The following TDRD15 variants were observed in gnomAD, a reference collection of about 807,000 sequenced individuals.
TDRD15 encodes tudor domain-containing protein 15.
For synonymous variants in TDRD15, 503 were observed against 314.5 expected (o/e 1.60, Z -6.34); for missense variants, 1,416 against 904.7 (o/e 1.57, Z -7.25).
At position 21,142,558 on chromosome 2, in the gene TDRD15, A is replaced by G. The variant is rs750302801; in HGVS notation, c.5091A>G (p.Glu1697=). The part of the protein sequence containing the change: ...EYLNLNTVPV[E]ENKLRLAEIV... Reference sequence around the variant, plus strand: ...TAAATTTGAATACAGTTCCTGTTGAAGAAAACAAACTTAGACTTGCAGAAA... The same window carrying G: ...TAAATTTGAATACAGTTCCTGTTGAGGAAAACAAACTTAGACTTGCAGAAA... Residue 1697 remains glutamate (E), a synonymous_variant, in exon 4 of 4, where the codon GAA becomes GAG. Coordinates refer to ENST00000405799, the MANE Select transcript of TDRD15 (RefSeq NM_001306137.2). 2.8e-6 allele frequency: 2 copies of G among 707,834 alleles called. No individual in the cohort carries two copies. Among genetic ancestry groups the G allele is most frequent in the African/African-American group, 3.5e-5 (2 of 56,804 alleles). 43.8% of individuals were successfully genotyped at this position (707,834 alleles called of 1,614,324 possible).
At chr2:21,146,929 C>T (rs1558303428), downstream of TDRD15, among the ~76,000 whole-genome samples, 1 of 151,984 alleles carries the variant, frequency 6.6e-6, no homozygotes, top group African/African-American at 2.4e-5. Context: ...TTTGCTTTGT[C>T]CCTTATTAGT....
At position 21,140,102 on chromosome 2, in the gene TDRD15, T is replaced by G. The variant is rs1244873368; in HGVS notation, c.2635T>G (p.Trp879Gly). ...GCCTGTTAGTTGTAAATTATTCAGTTGGACAAGAAAAGCATTCAGAGACTT... is the reference window on the plus strand; with the variant it reads ...GCCTGTTAGTTGTAAATTATTCAGTGGGACAAGAAAAGCATTCAGAGACTT... ...IEPVSCKLFS[W>G]TRKAFRDLWN... The change falls in exon 4 of 4, where the codon TGG (tryptophan) becomes GGG (glycine). Residue 879 changes from tryptophan to glycine, a missense_variant. By Grantham distance (184) the Trp-to-Gly change is radical. Transcript: ENST00000405799. 2 of 716,086 alleles carry G rather than the reference T, an allele frequency of 2.8e-6. No individual in the cohort carries two copies. Among genetic ancestry groups the G allele is most frequent in the Non-Finnish European group, 5.2e-6 (2 of 384,088 alleles). 44.4% of individuals were successfully genotyped at this position (716,086 alleles called of 1,614,324 possible).
chr2:21,125,271 C>T lies in TDRD15; in HGVS notation c.-201+1225C>T, dbSNP rs72493375. Among the ~76,000 whole-genome samples the T allele has an allele frequency of 7.8e-3, 1,011 of 129,410 alleles. 35 individuals carry two copies. The East Asian group carries it at 0.15, about 19-fold the overall frequency. 84.9% of individuals were successfully genotyped at this position (129,410 alleles called of 152,430 possible). A position where few individuals can be genotyped will look rare whatever the true frequency, so the allele number is the denominator to read the frequency against. On this transcript the variant is annotated intron_variant, in intron 1 of 3. Transcript: ENST00000405799. ...TGTGTGAGAGAAATCCTAGTTCTAG[C>T]GTCTGTGTGTGAGAGAGAGCGATCC...
downstream of TDRD15, among the ~76,000 whole-genome samples, chr2:21,144,606 T>C (rs1380857829): frequency 2.0e-5 from 3 of 151,870 alleles, no homozygotes; most frequent in Non-Finnish European, 4.4e-5. Flanking sequence ...GAGTGCTTAT[T>C]ATGCTTCAGG....
At chr2:21,137,229 A>T (rs1326543701) in intron 3 of TDRD15, among the ~76,000 whole-genome samples, 1 of 152,004 alleles carries the variant, frequency 6.6e-6, no homozygotes, top group Non-Finnish European at 1.5e-5. Context: ...CTTCCTATTT[A>T]AAAAAAGTTT....
At chr2:21,135,660 A>G (rs1255061054) in intron 3 of TDRD15, among the ~76,000 whole-genome samples, 1 of 151,970 alleles carries the variant, frequency 6.6e-6, no homozygotes, top group Non-Finnish European at 1.5e-5. Context: ...AGGTCTTTCT[A>G]CTGTGAAGAT....
chr2:21,142,941 A>T lies in TDRD15; in HGVS notation c.5474A>T (p.Tyr1825Phe), dbSNP rs1419042664. The stretch of plus-strand genomic sequence containing the variant: ...TATGGATTTTCTTTTTATATACGTT[A>T]TTCAGAAATTATAAATCTTAAAGTT... Reference protein sequence around the residue: ...VDYGFSFYIRYSEIINLKVVP... With the variant: ...VDYGFSFYIRFSEIINLKVVP... Residue 1825 changes from tyrosine (Y) to phenylalanine (F), a missense_variant, in exon 4 of 4, where the codon TAT (tyrosine) becomes TTT (phenylalanine). Coordinates refer to ENST00000405799, the MANE Select transcript of TDRD15 (RefSeq NM_001306137.2). 2.9e-6 allele frequency: 2 copies of T among 700,412 alleles called. No individual in the cohort carries two copies. The highest frequency in any genetic ancestry group is 5.3e-6 in the Non-Finnish European group (2 of 380,000). The allele number at this position is 700,412 out of a possible 1,614,324, so 43.4% of individuals were successfully genotyped here. A position where few individuals can be genotyped will look rare whatever the true frequency, so the allele number is the denominator to read the frequency against.
chr2:21,130,557 C>T (rs770405561), intron 2 of TDRD15, among the ~76,000 whole-genome samples: 1 of 152,246 alleles, frequency 6.6e-6, no homozygotes, highest in East Asian at 1.9e-4. Flanking sequence ...CTGAGAACAT[C>T]TTGTGTATAT....
chr2:21,126,143 ACAT>A (rs1665586686), intron 1 of TDRD15, among the ~76,000 whole-genome samples: 1 of 152,158 alleles, frequency 6.6e-6, no homozygotes, highest in Non-Finnish European at 1.5e-5. Flanking sequence ...ACTATAAACG[ACAT>A]CGTAAGCATA....
At chr2:21,137,268 A>G (rs1388236426) in intron 3 of TDRD15, among the ~76,000 whole-genome samples, 197 bp from the exon 4 acceptor site, 3 of 152,074 alleles carry the variant, frequency 2.0e-5, no homozygotes, top group African/African-American at 7.2e-5. Context: ...AAAATTTTAA[A>G]AGTATAGAAA....
At chr2:21,137,331 A>G in intron 3 of TDRD15, 134 bp from the exon 4 acceptor site, 1 of 459,910 alleles carries the variant, frequency 2.2e-6, no homozygotes, top group East Asian at 3.3e-5. Context: ...CGATATGTAT[A>G]ATTTTTATCA....
intron 2 of TDRD15, among the ~76,000 whole-genome samples, chr2:21,132,682 T>C (rs534327864): frequency 6.6e-6 from 1 of 152,278 alleles, no homozygotes; most frequent in South Asian, 2.1e-4. Context: ...ACAAAATTAA[T>C]ATATTAAAAA....
At position 21,142,179 on chromosome 2, in the gene TDRD15, C is replaced by A; in HGVS notation, c.4712C>A (p.Ser1571Ter). The A allele has an allele frequency of 1.5e-6, 1 of 673,532 alleles. No individual in the cohort carries two copies. The highest frequency in any genetic ancestry group is 2.7e-5 in the Admixed American group (1 of 36,622). The allele number at this position is 673,532 out of a possible 1,614,324, so 41.7% of individuals were successfully genotyped here. A position where few individuals can be genotyped will look rare whatever the true frequency, so the allele number is the denominator to read the frequency against. The change falls in exon 4 of 4, where the codon TCA becomes TAA. Residue 1571 changes from serine (S) to a stop codon, truncating the protein, a stop_gained. Coordinates refer to ENST00000405799, the MANE Select transcript of TDRD15 (RefSeq NM_001306137.2). LOFTEE classifies it low-confidence loss of function (END_TRUNC). ...GAAGAAAAAAAATCCCCTTTTTTAT[C>A]AATGGAAAGTATTGAAAAAGGTTTA... ...TKEEKKSPFL[S>*]MESIEKGLEC... is the part of the protein sequence containing the mutation.
intron 1 of TDRD15, among the ~76,000 whole-genome samples, chr2:21,125,452 G>C (rs1165904127): frequency 6.6e-6 from 1 of 150,826 alleles, no homozygotes; most frequent in East Asian, 1.9e-4. Context: ...GTGTGTGTGA[G>C]TGTGAGAGAT....
At chr2:21,132,026 G>A (rs1363341224) in intron 2 of TDRD15, among the ~76,000 whole-genome samples, 1 of 152,138 alleles carries the variant, frequency 6.6e-6, no homozygotes, top group African/African-American at 2.4e-5. Context: ...GTCAGGGAAT[G>A]CGTCACCTAG....
At chr2:21,135,470 G>A (rs529362837) in intron 3 of TDRD15, among the ~76,000 whole-genome samples, 1 of 151,944 alleles carries the variant, frequency 6.6e-6, no homozygotes, top group South Asian at 2.1e-4. Context: ...ATTTTCCTAT[G>A]TGCCAATTTA....
At position 21,139,413 on chromosome 2, in the gene TDRD15, A is replaced by G. The variant is rs1238870987; in HGVS notation, c.1946A>G (p.Asn649Ser). 1.4e-6 allele frequency: 1 copy of G among 712,750 alleles called. No homozygotes were observed. The allele number at this position is 712,750 out of a possible 1,614,324, so 44.2% of individuals were successfully genotyped here. ...VNIQSVEASENIDVISLMLQA... is the reference protein window; with the variant it reads ...VNIQSVEASESIDVISLMLQA... ...ATTCAAAGTGTTGAAGCCTCAGAAA[A>G]TATTGATGTTATCTCTCTTATGTTA... Residue 649 changes from asparagine (N) to serine (S), a missense_variant, in exon 4 of 4, where the codon AAT (asparagine) becomes AGT (serine). Coordinates refer to ENST00000405799, the MANE Select transcript of TDRD15 (RefSeq NM_001306137.2).
At chr2:21,125,451 AGTGT>A (rs1229289598) in intron 1 of TDRD15, among the ~76,000 whole-genome samples, 1 of 131,754 alleles carries the variant, frequency 7.6e-6, no homozygotes, top group Non-Finnish European at 1.7e-5. Context: ...TGTGTGTGTG[AGTGT>A]GAGAGATCCT....
rs760264459 is a variant in TDRD15 at position 21,142,846 on chromosome 2, G to A, written c.5379G>A (p.Ser1793=). ...CTAGTTGTTTGTTCAAATATAAATC[G>A]GAAGATCAGTGGAATAGAGTAGAAA... ...PGSSCLFKYK[S]EDQWNRVEIS... Residue 1793 remains serine (S), a synonymous_variant, in exon 4 of 4, where the codon TCG becomes TCA. Transcript: ENST00000405799. The A allele has an allele frequency of 1.8e-5, 13 of 714,006 alleles. No homozygotes were observed. Among genetic ancestry groups the A allele is most frequent in the Admixed American group, 1.0e-4 (5 of 49,718 alleles). The allele number at this position is 714,006 out of a possible 1,614,324, so 44.2% of individuals were successfully genotyped here. A position where few individuals can be genotyped will look rare whatever the true frequency, so the allele number is the denominator to read the frequency against.
Sources: allele counts gnomAD v4.1 joint callset (sites outside exome capture counted in the v4.1 genomes callset), GRCh38; gene constraint gnomAD v4.1.1; transcripts MANE v1.5; gene names NCBI Gene and HGNC (gene_info 2026-07-23, HGNC 2026-07-21).